TMEM117: variants seen among roughly 807,000 people sequenced by gnomAD.
The protein encoded by TMEM117 is transmembrane protein 117.
A neutral mutation model predicts 52.4 loss-of-function variants in TMEM117; 27 were observed. The observed-to-expected ratio is 0.51, with a 90% confidence interval of 0.38 to 0.71. TMEM117 has a LOEUF of 0.71. TMEM117 is among the 30% of genes least tolerant of loss of function. The pLI is 0.00. For synonymous variants in TMEM117, 215 were observed against 206.3 expected (o/e 1.04, Z -0.36); for missense variants, 556 against 630.5 (o/e 0.88, Z 1.26).
At chr12:44,189,268 T>C (rs917173483) in intron 4 of TMEM117, among the ~76,000 whole-genome samples, 3 of 152,206 alleles carry the variant, frequency 2.0e-5, no homozygotes, top group African/African-American at 7.2e-5. Context: ...TTTGCATTCT[T>C]AATTCTTATT....
chr12:44,115,323 G>C (rs886348014), intron 3 of TMEM117, among the ~76,000 whole-genome samples: 1 of 152,120 alleles, frequency 6.6e-6, no homozygotes, highest in Non-Finnish European at 1.5e-5. Flanking sequence ...TGGGGAGAAG[G>C]GGGAGGGATA....
At chr12:44,267,953 T>C (rs971349359) in intron 5 of TMEM117, among the ~76,000 whole-genome samples, 3 of 152,206 alleles carry the variant, frequency 2.0e-5, no homozygotes, top group Admixed American at 2.0e-4. Flanking sequence ...CAATGCTGCA[T>C]TGAACATGGG....
At chr12:44,249,619 C>T (rs1219487881) in intron 5 of TMEM117, among the ~76,000 whole-genome samples, 1 of 152,088 alleles carries the variant, frequency 6.6e-6, no homozygotes, top group Non-Finnish European at 1.5e-5. Context: ...AACTAAAACA[C>T]CGTGGTACTG....
At chr12:44,335,646 A>G (rs945055539) in intron 6 of TMEM117, among the ~76,000 whole-genome samples, 1 of 152,076 alleles carries the variant, frequency 6.6e-6, no homozygotes, top group African/African-American at 2.4e-5. Flanking sequence ...ATTTTCATGT[A>G]TATTGTCTAA....
intron 2 of TMEM117, among the ~76,000 whole-genome samples, chr12:43,867,245 T>C (rs1269786196): frequency 6.6e-6 from 1 of 152,250 alleles, no homozygotes; most frequent in Non-Finnish European, 1.5e-5. Flanking sequence ...TTGTATTTTA[T>C]ATGAAGTGGC....
chr12:44,251,134 C>G (rs1950192909), intron 5 of TMEM117, among the ~76,000 whole-genome samples: 1 of 152,146 alleles, frequency 6.6e-6, no homozygotes, highest in Non-Finnish European at 1.5e-5. Context: ...AGGGCTGATA[C>G]TCCAGAGTGA....
intron 3 of TMEM117, among the ~76,000 whole-genome samples, chr12:44,057,534 T>C (rs982052268): frequency 2.0e-5 from 3 of 151,942 alleles, no homozygotes; most frequent in Non-Finnish European, 4.4e-5. Context: ...CAGAGCATTT[T>C]ACAGAGGTCC....
At chr12:44,155,957 A>G (rs545068001) in intron 4 of TMEM117, among the ~76,000 whole-genome samples, 37 of 152,088 alleles carry the variant, frequency 2.4e-4, no homozygotes, top group African/African-American at 7.5e-4. Flanking sequence ...AAACTTATCC[A>G]TCCTGTAAAA....
intron 3 of TMEM117, among the ~76,000 whole-genome samples, chr12:44,006,821 C>T (rs1052912703): frequency 6.6e-6 from 1 of 152,054 alleles, no homozygotes; most frequent in Non-Finnish European, 1.5e-5. Context: ...AATAAGACAG[C>T]GTGGATTCCT....
chr12:44,191,789 C>A (rs929225190), intron 4 of TMEM117, among the ~76,000 whole-genome samples: 10 of 152,044 alleles, frequency 6.6e-5, no homozygotes, highest in Admixed American at 4.6e-4. Flanking sequence ...ATTAATAATC[C>A]ATGAGTATTT....
At chr12:44,311,221 A>G (rs1202390861) in intron 6 of TMEM117, among the ~76,000 whole-genome samples, 1 of 152,120 alleles carries the variant, frequency 6.6e-6, no homozygotes, top group Non-Finnish European at 1.5e-5. Context: ...GCTGAAAACG[A>G]TATTTATATC....
At chr12:44,022,822 C>CA (rs924791853) in intron 3 of TMEM117, among the ~76,000 whole-genome samples, 22 of 151,872 alleles carry the variant, frequency 1.4e-4, no homozygotes, top group African/African-American at 5.1e-4. Flanking sequence ...ATACTTAAAC[C>CA]AAAAAAATAC....
intron 3 of TMEM117, among the ~76,000 whole-genome samples, chr12:44,038,621 G>A (rs1215116208): frequency 1.3e-5 from 2 of 152,186 alleles, no homozygotes; most frequent in African/African-American, 4.8e-5. Context: ...CAGCAGGCTC[G>A]AGTAAAAACT....
the TMEM117 span, among the ~76,000 whole-genome samples, chr12:43,801,888 G>T: frequency 6.6e-6 from 1 of 152,158 alleles, no homozygotes; most frequent in Non-Finnish European, 1.5e-5. Context: ...AAATTAGCTG[G>T]GCGTGGTGGC....
chr12:44,178,488 T>C (rs1021037139), intron 4 of TMEM117, among the ~76,000 whole-genome samples: 1 of 151,206 alleles, frequency 6.6e-6, no homozygotes, highest in Admixed American at 6.6e-5. Flanking sequence ...TATGCAGAAC[T>C]GTATATCTTC....
intron 2 of TMEM117, among the ~76,000 whole-genome samples, chr12:43,918,420 G>A (rs1944640481): frequency 1.3e-5 from 2 of 152,060 alleles, no homozygotes; most frequent in Admixed American, 6.6e-5. Context: ...TCTTGCCAAG[G>A]TTAACAGCAA....
At chr12:44,377,606 T>A (rs1338003062) in intron 7 of TMEM117, among the ~76,000 whole-genome samples, 1 of 152,220 alleles carries the variant, frequency 6.6e-6, no homozygotes, top group Non-Finnish European at 1.5e-5. Context: ...TCTTTCTTTA[T>A]GACAAGAAGC....
chr12:44,027,941 C>T (rs2137857742), intron 3 of TMEM117, among the ~76,000 whole-genome samples: 1 of 152,236 alleles, frequency 6.6e-6, no homozygotes, highest in South Asian at 2.1e-4. Flanking sequence ...TGCGGTGGCT[C>T]ACGCCTGTAA....
chr12:44,086,726 A>G (rs1480117623), intron 3 of TMEM117, among the ~76,000 whole-genome samples: 1 of 152,090 alleles, frequency 6.6e-6, no homozygotes, highest in African/African-American at 2.4e-5. Context: ...CTCTTTCGCT[A>G]TCAAACAAAG....
Sources: gnomAD v4.1 joint callset for allele counts (sites outside exome capture counted in the v4.1 genomes callset) on GRCh38, gnomAD v4.1.1 for gene constraint, MANE v1.5 for transcripts, NCBI Gene and HGNC (gene_info 2026-07-23, HGNC 2026-07-21) for gene names.